Variants in MIGA1 observed in about 807,000 individuals in gnomAD.
The protein encoded by MIGA1 is family with sequence similarity 73, member A.
In MIGA1, 58 loss-of-function variants were observed where a neutral mutation model predicts 82.0. The observed-to-expected ratio is 0.71, with a 90% CI of 0.57 to 0.88. The LOEUF is 0.88. Among genes scored for constraint, MIGA1 ranks in the 40% least tolerant of loss-of-function variants. The probability of loss-of-function intolerance (pLI) is 0.00; values close to 1 mark genes in which losing one functional copy is unlikely to be tolerated. For synonymous variants in MIGA1, 249 were observed against 253.6 expected (o/e 0.98, Z 0.17); for missense variants, 751 against 749.1 (o/e 1.00, Z -0.03).
intron 8 of MIGA1, 72 bp from the exon 9 acceptor site, chr1:77,858,866 C>G: frequency 1.2e-6 from 1 of 831,598 alleles, no homozygotes; most frequent in Non-Finnish European, 2.0e-6. Context: ...ATGATCCTCC[C>G]AAAGTGTTGC....
At chr1:77,832,709 A>G (rs920720222) in intron 7 of MIGA1, among the ~76,000 whole-genome samples, 13 of 152,224 alleles carry the variant, frequency 8.5e-5, no homozygotes, top group Non-Finnish European at 1.9e-4. Flanking sequence ...GGGGAGTGGT[A>G]GGAGATGAAC....
intron 14 of MIGA1, among the ~76,000 whole-genome samples, chr1:77,869,748 C>G (rs1356505036): frequency 2.6e-5 from 3 of 117,170 alleles, no homozygotes; most frequent in Admixed American, 7.6e-5. Flanking sequence ...ACCCCCCCCC[C>G]GCCTGCCTCC....
intron 8 of MIGA1, among the ~76,000 whole-genome samples, chr1:77,858,083 G>C (rs1286351910): frequency 6.6e-6 from 1 of 152,064 alleles, no homozygotes; most frequent in African/African-American, 2.4e-5. Flanking sequence ...AGACGCGGTG[G>C]CTGACGCCTG....
chr1:77,863,078 A>G (rs922808015), intron 12 of MIGA1, among the ~76,000 whole-genome samples: 22 of 152,206 alleles, frequency 1.4e-4, no homozygotes, highest in African/African-American at 5.3e-4. Context: ...AAATGAAATC[A>G]GTATCCATTT....
At position 77,851,304 on chromosome 1, in the gene MIGA1, T is replaced by A. The variant is rs75370693; in HGVS notation, c.997-7634T>A. ...TGAAAATATTAAAATGAGTTTTTTT[T>A]AAATGTAGCCTTTTGGGAGAAGAAT... On this transcript the variant is annotated intron_variant, in intron 8 of 15. Coordinates refer to ENST00000370791, the MANE Select transcript of MIGA1 (RefSeq NM_198549.4). Among the ~76,000 whole-genome samples, 10 of 152,352 alleles carry A rather than the reference T, an allele frequency of 6.6e-5. No homozygotes were observed. The East Asian group carries it at 1.2e-3, about 18-fold the overall frequency.
chr1:77,839,105 A>G (rs1048708556), intron 7 of MIGA1, among the ~76,000 whole-genome samples: 1 of 152,198 alleles, frequency 6.6e-6, no homozygotes, highest in Non-Finnish European at 1.5e-5. Flanking sequence ...GCTAGGTCAT[A>G]GAGAAAGCCA....
rs776723925 is a variant in MIGA1, at chr1:77,803,385, T to C, written c.489T>C (p.Gly163=). ...GAGGACTTTTCAGTAAATATTCAGGTTCTGCACAGAGTTTGGCCTCTGTAA... is the reference window on the plus strand; with the variant it reads ...GAGGACTTTTCAGTAAATATTCAGGCTCTGCACAGAGTTTGGCCTCTGTAA... Residue 163 remains glycine, a synonymous_variant, in exon 4 of 16, where the codon GGT becomes GGC. Coordinates refer to ENST00000370791, the MANE Select transcript of MIGA1 (RefSeq NM_198549.4). 6.4e-7 allele frequency: 1 copy of C among 1,552,390 alleles called. No homozygotes were observed. The highest frequency in any genetic ancestry group is 1.3e-5 in the South Asian group (1 of 79,214).
At chr1:77,838,462 T>C (rs557671039) in intron 7 of MIGA1, among the ~76,000 whole-genome samples, 2 of 152,146 alleles carry the variant, frequency 1.3e-5, no homozygotes, top group East Asian at 3.9e-4. Context: ...TTATTTTTTA[T>C]TTAGAGACAG....
At chr1:77,792,494 C>T (rs1048679196) in intron 2 of MIGA1, among the ~76,000 whole-genome samples, 4 of 152,020 alleles carry the variant, frequency 2.6e-5, no homozygotes, top group Non-Finnish European at 4.4e-5. Context: ...GATTTCAAGG[C>T]CATATTTTAA....
chr1:77,873,242 G>A, intron 15 of MIGA1, 122 bp downstream of exon 15: 1 of 1,001,928 alleles, frequency 1.0e-6, no homozygotes, highest in Non-Finnish European at 1.4e-6. Context: ...AGTTATAAAA[G>A]TCACCTAAAT....
intron 5 of MIGA1, 148 bp downstream of exon 5, chr1:77,807,249 CT>C: frequency 2.0e-6 from 1 of 512,570 alleles, no homozygotes; most frequent in Non-Finnish European, 3.3e-6. Context: ...GCAGCCTCAA[CT>C]TCCTGGGCTC....
intron 2 of MIGA1, among the ~76,000 whole-genome samples, chr1:77,788,315 T>C (rs951193642): frequency 3.9e-5 from 6 of 152,170 alleles, no homozygotes; most frequent in African/African-American, 1.4e-4. Flanking sequence ...ATTTTTGTAT[T>C]TTTAGTAGAG....
rs187713833 is a variant in MIGA1, at chr1:77,846,889, A to G, written c.996+3482A>G. Among the ~76,000 whole-genome samples the G allele has an allele frequency of 7.0e-3, 1,061 of 152,154 alleles. 11 individuals are homozygous for G. Among genetic ancestry groups the G allele is most frequent in the African/African-American group, 0.024 (992 of 41,502 alleles). The stretch of plus-strand genomic sequence containing the variant: ...GTGAACCTGGGAGGTGGAGCTTGCA[A>G]TGAACTGAGATTGCGCCACTGCACT... On this transcript the variant is annotated intron_variant, in intron 8 of 15. Transcript: ENST00000370791.
Position 77,815,140 on chromosome 1 carries a change from C to G in MIGA1, c.804C>G (p.Leu268=), listed in dbSNP as rs34847707. The G allele has an allele frequency of 1.9e-6, 3 of 1,598,880 alleles. No homozygotes were observed. Among genetic ancestry groups the G allele is most frequent in the South Asian group, 1.1e-5 (1 of 88,600 alleles). ...TTAGTACTGAATTTATCCATAAACT[C>G]GAAGCTCTGCTGCAAAGAGCCTATC... Residue 268 remains leucine (L), a synonymous_variant, in exon 7 of 16, where the codon CTC becomes CTG. Coordinates refer to ENST00000370791, the MANE Select transcript of MIGA1 (RefSeq NM_198549.4).
intron 2 of MIGA1, among the ~76,000 whole-genome samples, chr1:77,788,021 TC>T (rs1189925902): frequency 2.6e-5 from 4 of 151,520 alleles, no homozygotes; most frequent in African/African-American, 9.7e-5. Flanking sequence ...GAGTCTCGCT[TC>T]TTCACCCAGG....
intron 2 of MIGA1, among the ~76,000 whole-genome samples, chr1:77,797,507 C>T (rs972855042): frequency 3.3e-5 from 5 of 152,022 alleles, no homozygotes; most frequent in African/African-American, 1.2e-4. Context: ...TAAAAATAAG[C>T]TTATCAGTAA....
In MIGA1 at chr1:77,847,353, C is replaced by T. The variant is rs564553436; in HGVS notation, c.996+3946C>T. 1.9e-5 allele frequency: 19 copies of T among 978,892 alleles called. No individual in the cohort carries two copies. The South Asian group carries it at 2.4e-4, about 13-fold the overall frequency. The allele number at this position is 978,892 out of a possible 1,614,324, so 60.6% of individuals were successfully genotyped here. A position where few individuals can be genotyped will look rare whatever the true frequency, so the allele number is the denominator to read the frequency against. On this transcript the variant is annotated intron_variant, in intron 8 of 15. Transcript: ENST00000370791. The stretch of plus-strand genomic sequence containing the variant: ...ATATGACAGTATTTATGATGAAATG[C>T]AGGAAAAAAAGGAGGAAAACAATAC...
At chr1:77,802,129 A>G (rs1187678768) in intron 3 of MIGA1, among the ~76,000 whole-genome samples, 2 of 152,210 alleles carry the variant, frequency 1.3e-5, no homozygotes, top group East Asian at 3.9e-4. Flanking sequence ...AATTCCTTAA[A>G]CATGCTGAGT....
intron 4 of MIGA1, among the ~76,000 whole-genome samples, chr1:77,806,670 ATAAAAT>A (rs1683112647): frequency 1.3e-5 from 2 of 152,236 alleles, no homozygotes; most frequent in Non-Finnish European, 2.9e-5. Context: ...GTAGGTATAG[ATAAAAT>A]TTATAAGTGA....
Sources: gnomAD v4.1 joint callset for allele counts (sites outside exome capture counted in the v4.1 genomes callset) on GRCh38, gnomAD v4.1.1 for gene constraint, MANE v1.5 for transcripts, NCBI Gene and HGNC (gene_info 2026-07-23, HGNC 2026-07-21) for gene names.